The following SBF2 variants were observed in gnomAD, a reference collection of about 807,000 sequenced individuals.
SBF2 encodes SET binding factor 2, also known as myotubularin-related protein 13.
SBF2 carries 112 observed loss-of-function variants against 225.2 expected under a neutral mutation model. The ratio of observed to expected loss-of-function variants is 0.50; its 90% CI spans 0.43 to 0.58. The LOEUF (loss-of-function observed/expected upper bound fraction) is 0.58. SBF2 is among the 20% of genes least tolerant of loss of function. The pLI is 0.00. For synonymous variants in SBF2, 763 were observed against 773.3 expected (o/e 0.99, Z 0.22); for missense variants, 1,996 against 2,206.2 (o/e 0.90, Z 1.91).
intron 2 of SBF2, among the ~76,000 whole-genome samples, chr11:10,175,732 C>T (rs926474133): frequency 6.6e-6 from 1 of 151,886 alleles, no homozygotes; most frequent in African/African-American, 2.4e-5. Context: ...CCACACCACA[C>T]CTATTCCAAA....
At chr11:9,942,032 T>C (rs1371020228) in intron 16 of SBF2, among the ~76,000 whole-genome samples, 1 of 152,164 alleles carries the variant, frequency 6.6e-6, no homozygotes, top group African/African-American at 2.4e-5. Context: ...CACCTAACAA[T>C]AAATTTAACA....
At chr11:10,259,828 A>C (rs1453967060) in intron 1 of SBF2, among the ~76,000 whole-genome samples, 2 of 152,004 alleles carry the variant, frequency 1.3e-5, no homozygotes, top group Non-Finnish European at 2.9e-5. Flanking sequence ...ATTTGGAATA[A>C]ACATGCAGAC....
chr11:9,795,704 C>A, intron 33 of SBF2, 127 bp downstream of exon 33: 1 of 1,185,474 alleles, frequency 8.4e-7, no homozygotes, highest in Non-Finnish European at 1.2e-6. Context: ...CACTCCTCTA[C>A]ATTCATAGTT....
intron 2 of SBF2, among the ~76,000 whole-genome samples, chr11:10,110,996 G>A (rs919243470): frequency 1.3e-5 from 2 of 151,882 alleles, no homozygotes; most frequent in Non-Finnish European, 2.9e-5. Flanking sequence ...ATACACATAC[G>A]ACCACATTAA....
chr11:10,011,860 G>A (rs1948473182), intron 6 of SBF2, among the ~76,000 whole-genome samples: 1 of 152,080 alleles, frequency 6.6e-6, no homozygotes, highest in South Asian at 2.1e-4. Context: ...GCTTCATTGT[G>A]CTTCTTGGGT....
At chr11:9,924,299 TA>T (rs1863858351) in intron 16 of SBF2, among the ~76,000 whole-genome samples, 1 of 152,242 alleles carries the variant, frequency 6.6e-6, no homozygotes, top group South Asian at 2.1e-4. Context: ...GACACTTTAT[TA>T]TAAAATAGGC....
intron 12 of SBF2, 131 bp from the exon 13 acceptor site, chr11:9,989,726 G>T: frequency 3.2e-6 from 2 of 620,850 alleles, no homozygotes; most frequent in East Asian, 5.7e-5. Context: ...AAATATTTCA[G>T]GTTTTGGGGT....
At position 10,000,925 on chromosome 11, in the gene SBF2, C is replaced by T. The variant is rs2134506585; in HGVS notation, c.850G>A (p.Val284Ile). 1 of 1,557,704 alleles carries T rather than the reference C, an allele frequency of 6.4e-7. No homozygotes were observed. The highest frequency in any genetic ancestry group is 1.7e-4 in the Middle Eastern group (1 of 5,940). ...AGATGAATACTTACAAGTTCATGGA[C>T]ATCAGTTTTAAAGACAGAATGTACT... is the stretch of plus-strand genomic sequence containing the variant. ...IGVHSVFKTD[V>I]HELLDVIIAD... The change falls in exon 8 of 40, where the codon GTC becomes ATC. Residue 284 changes from valine (V) to isoleucine (I), a missense_variant. Physicochemically the swap from Val to Ile is conservative, Grantham distance 29 (BLOSUM62 3). Coordinates refer to ENST00000256190, the MANE Select transcript of SBF2 (RefSeq NM_030962.4).
intron 1 of SBF2, among the ~76,000 whole-genome samples, chr11:10,304,008 G>A (rs1184342929): frequency 1.3e-5 from 2 of 152,188 alleles, no homozygotes; most frequent in Non-Finnish European, 2.9e-5. Context: ...CCAGTCGGCC[G>A]TGCTAGCGTG....
At chr11:9,888,299 C>A (rs1860503303) in intron 17 of SBF2, among the ~76,000 whole-genome samples, 1 of 152,036 alleles carries the variant, frequency 6.6e-6, no homozygotes, top group African/African-American at 2.4e-5. Context: ...GAGTTTGAGA[C>A]CAGCCTGGGC....
At chr11:10,185,468 T>C (rs1207463690) in intron 2 of SBF2, among the ~76,000 whole-genome samples, 3 of 152,182 alleles carry the variant, frequency 2.0e-5, no homozygotes, top group Admixed American at 6.5e-5. Flanking sequence ...TGGGGCTTTT[T>C]TTAGAGTTGG....
At chr11:9,881,243 T>C (rs1403201879) in intron 17 of SBF2, among the ~76,000 whole-genome samples, 1 of 152,230 alleles carries the variant, frequency 6.6e-6, no homozygotes, top group East Asian at 1.9e-4. Context: ...AGAAAGCTCT[T>C]GGCACAGCAG....
chr11:10,264,172 G>A (rs1961711969), intron 1 of SBF2, among the ~76,000 whole-genome samples: 1 of 152,144 alleles, frequency 6.6e-6, no homozygotes, highest in South Asian at 2.1e-4. Context: ...TAATGGGGAA[G>A]GAATGCTCAG....
upstream of SBF2, among the ~76,000 whole-genome samples, chr11:10,294,854 C>T (rs1350781301): frequency 1.3e-5 from 2 of 152,322 alleles, no homozygotes; most frequent in Non-Finnish European, 2.9e-5. Flanking sequence ...CTGGGCTGGC[C>T]TCTCCCTGGG....
intron 27 of SBF2, 46 bp downstream of exon 27, chr11:9,832,178 G>C: frequency 6.5e-7 from 1 of 1,529,698 alleles, no homozygotes; most frequent in Non-Finnish European, 9.1e-7. Flanking sequence ...TTTTAGCACT[G>C]TCCTTATGTG....
intron 17 of SBF2, among the ~76,000 whole-genome samples, chr11:9,885,914 T>A (rs1590332389): frequency 6.6e-6 from 1 of 152,260 alleles, no homozygotes; most frequent in Admixed American, 6.5e-5. Flanking sequence ...GGCATGACTT[T>A]CTAGGAGATG....
At chr11:9,957,837 T>C (rs1451408546) in intron 16 of SBF2, 2 of 151,992 alleles carry the variant, frequency 1.3e-5, no homozygotes, top group African/African-American at 4.8e-5. Flanking sequence ...GAACCTCTTC[T>C]TCTTTTAAGG....
intron 2 of SBF2, among the ~76,000 whole-genome samples, chr11:10,189,896 A>C (rs891809206): frequency 1.3e-5 from 2 of 152,152 alleles, no homozygotes; most frequent in African/African-American, 4.8e-5. Flanking sequence ...TCACATCTGT[A>C]ATCGCAGCAC....
chr11:9,902,127 C>G (rs1861768124), intron 16 of SBF2, among the ~76,000 whole-genome samples: 1 of 152,168 alleles, frequency 6.6e-6, no homozygotes, highest in Admixed American at 6.5e-5. Flanking sequence ...GCAGCCAGGC[C>G]TTCCCTTTCT....
Sources: gnomAD v4.1 joint callset for allele counts (sites outside exome capture counted in the v4.1 genomes callset) on GRCh38, gnomAD v4.1.1 for gene constraint, MANE v1.5 for transcripts, NCBI Gene and HGNC (gene_info 2026-07-23, HGNC 2026-07-21) for gene names.